CEP85: variants seen among roughly 807,000 people sequenced by gnomAD.
CEP85 encodes centrosomal protein of 85 kDa.
Under a neutral mutation model 93.7 loss-of-function variants are expected in CEP85, and 58 were observed. The observed-to-expected ratio is 0.62, with a 90% CI of 0.50 to 0.77. The LOEUF is 0.77. Ranked by LOEUF, CEP85 falls within the 30% of genes least tolerant of loss-of-function variation. The pLI, the probability that CEP85 is intolerant of heterozygous loss-of-function variation, is 0.00. For missense variants in CEP85, 868 were observed against 922.0 expected (o/e 0.94, Z 0.76); for synonymous variants, 314 against 338.6 (o/e 0.93, Z 0.80).
chr1:26,256,946 T>TGTGTGTGTGTGTGTGC (rs1157179934), intron 4 of CEP85, among the ~76,000 whole-genome samples: 3 of 150,550 alleles, frequency 2.0e-5, no homozygotes, highest in Non-Finnish European at 3.0e-5. Context: ...TGTGTGTGTG[T>TGTGTGTGTGTGTGTGC]GTGTGTGTGT....
In CEP85 at chr1:26,268,585, T is replaced by C. The variant is rs2089927007; in HGVS notation, c.1444T>C (p.Tyr482His). The C allele has an allele frequency of 1.2e-6, 2 of 1,613,986 alleles. No individual in the cohort carries two copies. Among genetic ancestry groups the C allele is most frequent in the South Asian group, 1.1e-5 (1 of 91,048 alleles). Reference sequence around the variant, plus strand: ...GCAGCGTATTGAGACCTTGGAGCGCTACCTGGCTGACCTGCCCACACTGGA... The same window carrying C: ...GCAGCGTATTGAGACCTTGGAGCGCCACCTGGCTGACCTGCCCACACTGGA... The part of the protein sequence containing the change: ...KQQRIETLER[Y>H]LADLPTLEDH... Residue 482 changes from tyrosine to histidine, a missense_variant, in exon 8 of 14, where the codon TAC becomes CAC. Coordinates refer to ENST00000451429, the MANE Select transcript of CEP85 (RefSeq NM_001319944.2).
chr1:26,262,877 T>C (rs746558870), intron 7 of CEP85, among the ~76,000 whole-genome samples: 22 of 152,172 alleles, frequency 1.4e-4, no homozygotes, highest in Non-Finnish European at 2.6e-4. Context: ...GCTGGGATGA[T>C]AGGCACATGC....
intron 1 of CEP85, among the ~76,000 whole-genome samples, chr1:26,235,814 C>T (rs1456593909): frequency 2.6e-5 from 4 of 152,182 alleles, no homozygotes; most frequent in African/African-American, 9.6e-5. Context: ...TCAGGTGATC[C>T]GCCCGCCTCG....
chr1:26,259,891 T>C, intron 7 of CEP85, 89 bp downstream of exon 7: 1 of 1,077,492 alleles, frequency 9.3e-7, no homozygotes, highest in Non-Finnish European at 1.3e-6. Flanking sequence ...GGCCTGGAAC[T>C]AAGAGGAGAC....
chr1:26,245,754 G>A (rs574696797), intron 3 of CEP85, among the ~76,000 whole-genome samples: 6 of 151,968 alleles, frequency 3.9e-5, no homozygotes, highest in Non-Finnish European at 8.8e-5. Flanking sequence ...TCCATTTTAC[G>A]GATGAAAAGG....
chr1:26,255,283 T>G lies in CEP85; in HGVS notation c.321T>G (p.Asn107Lys), dbSNP rs1164284503. 1 of 1,613,982 alleles carries G rather than the reference T, an allele frequency of 6.2e-7. No homozygotes were observed. Among genetic ancestry groups the G allele is most frequent in the African/African-American group, 1.3e-5 (1 of 74,894 alleles). Residue 107 changes from asparagine to lysine, a missense_variant, in exon 4 of 14, where the codon AAT (asparagine) becomes AAG (lysine). By Grantham distance (94) the Asn-to-Lys change is moderately conservative (BLOSUM62 0). Coordinates refer to ENST00000451429, the MANE Select transcript of CEP85 (RefSeq NM_001319944.2). Reference protein sequence around the residue: ...STLGTSPAKPNSTPVGPSSSK... With the variant: ...STLGTSPAKPKSTPVGPSSSK... ...TAGGGACCTCTCCTGCCAAGCCAAATTCTACACCTGTTGGACCCTCTTCCT... is the reference window on the plus strand; with the variant it reads ...TAGGGACCTCTCCTGCCAAGCCAAAGTCTACACCTGTTGGACCCTCTTCCT...
chr1:26,266,852 G>C (rs1390243484), intron 7 of CEP85, among the ~76,000 whole-genome samples: 1 of 152,164 alleles, frequency 6.6e-6, no homozygotes, highest in Non-Finnish European at 1.5e-5. Flanking sequence ...TCTGCCGTGT[G>C]TTTAGTATAT....
Position 26,277,412 on chromosome 1 carries a change from A to C in CEP85, c.*119A>C. The C allele has an allele frequency of 1.0e-6, 1 of 981,472 alleles. No individual in the cohort carries two copies. The highest frequency in any genetic ancestry group is 2.6e-5 in the East Asian group (1 of 38,502). The allele number at this position is 981,472 out of a possible 1,614,324, so 60.8% of individuals were successfully genotyped here. The stretch of plus-strand genomic sequence containing the variant: ...AGAGAGGTCTCAGAGGGGAGGGGAG[A>C]GCCTGCATCTGGGGGCCAAGGGCTG... On this transcript the variant is annotated 3_prime_UTR_variant, in exon 14 of 14. Transcript: ENST00000451429.
At chr1:26,254,410 C>T (rs2089664374) in intron 3 of CEP85, among the ~76,000 whole-genome samples, 1 of 149,406 alleles carries the variant, frequency 6.7e-6, no homozygotes, top group African/African-American at 2.5e-5. Context: ...AACACAAATT[C>T]AGTCTGAAGG....
At chr1:26,270,586 T>C (rs141136449) in intron 9 of CEP85, among the ~76,000 whole-genome samples, 1,805 of 152,316 alleles carry the variant, frequency 0.012, 37 homozygotes, top group African/African-American at 0.041. Flanking sequence ...AGGGACCCAC[T>C]GGAGGAAACC....
intron 11 of CEP85, 130 bp from the exon 12 acceptor site, chr1:26,274,834 C>A (rs1478896745): frequency 1.2e-5 from 8 of 690,670 alleles, no homozygotes; most frequent in Non-Finnish European, 2.0e-5. Context: ...CAGGACTGTT[C>A]TAAAATGATT....
At chr1:26,271,426 A>G in intron 10 of CEP85, 1 of 224,758 alleles carries the variant, frequency 4.4e-6, no homozygotes. Context: ...CCCATACAGA[A>G]ACCCTTGAAT....
At chr1:26,257,814 A>G (rs1364408962) in intron 5 of CEP85, 84 bp downstream of exon 5, 6 of 1,469,322 alleles carry the variant, frequency 4.1e-6, no homozygotes, top group Non-Finnish European at 5.6e-6. Context: ...CCAAGGGCAA[A>G]GCATTCCTCC....
At chr1:26,250,475 C>T (rs1013246142) in intron 3 of CEP85, among the ~76,000 whole-genome samples, 4 of 152,204 alleles carry the variant, frequency 2.6e-5, no homozygotes, top group Admixed American at 1.3e-4. Flanking sequence ...AAAACGATTC[C>T]CTGGTAACAA....
chr1:26,259,800 A>G lies in CEP85; in HGVS notation c.1339A>G (p.Arg447Gly), dbSNP rs192881800. The change falls in exon 7 of 14, where the codon AGG becomes GGG. Residue 447 changes from arginine (R) to glycine (G), a missense_variant and splice_region_variant. Arg to Gly is a moderately radical substitution (Grantham distance 125). Coordinates refer to ENST00000451429, the MANE Select transcript of CEP85 (RefSeq NM_001319944.2). ...HSEEVKKQEERVKGRDKHINN... is the reference protein window; with the variant it reads ...HSEEVKKQEEGVKGRDKHINN... ...TGAGGAAGTGAAGAAACAGGAAGAA[A>G]GGGTGAGCTGAGTAGCTGATAGCCC... The G allele has an allele frequency of 1.9e-6, 3 of 1,610,710 alleles. No individual in the cohort carries two copies. The highest frequency in any genetic ancestry group is 2.5e-6 in the Non-Finnish European group (3 of 1,178,456).
chr1:26,265,230 C>T (rs1383733203), intron 7 of CEP85, among the ~76,000 whole-genome samples: 7 of 152,104 alleles, frequency 4.6e-5, no homozygotes, highest in Non-Finnish European at 5.9e-5. Context: ...GTGATCTGCC[C>T]GCCTCGACTT....
intron 4 of CEP85, 119 bp downstream of exon 4, chr1:26,255,984 G>A: frequency 1.1e-6 from 1 of 878,832 alleles, no homozygotes; most frequent in Non-Finnish European, 1.7e-6. Flanking sequence ...GAAGATGTTT[G>A]TAGACAGGAA....
intron 3 of CEP85, 121 bp downstream of exon 3, chr1:26,244,439 A>G (rs2089478811): frequency 1.2e-6 from 1 of 849,472 alleles, no homozygotes; most frequent in Non-Finnish European, 1.8e-6. Context: ...ATTCCATTTC[A>G]TTCAAGGAGT....
intron 7 of CEP85, among the ~76,000 whole-genome samples, chr1:26,264,233 A>G (rs2089856936): frequency 6.6e-6 from 1 of 152,110 alleles, no homozygotes; most frequent in African/African-American, 2.4e-5. Flanking sequence ...ATGGGCATTC[A>G]TATTTAAGAA....
Sources: gnomAD v4.1 joint callset for allele counts (sites outside exome capture counted in the v4.1 genomes callset) on GRCh38, gnomAD v4.1.1 for gene constraint, MANE v1.5 for transcripts, NCBI Gene and HGNC (gene_info 2026-07-23, HGNC 2026-07-21) for gene names.